MAP3K20: variants seen among roughly 807,000 people sequenced by gnomAD.
MAP3K20 encodes the protein mitogen-activated protein kinase kinase kinase 20.
A neutral mutation model predicts 85.7 loss-of-function variants in MAP3K20; 40 were observed. The observed-to-expected ratio is 0.47, with a 90% confidence interval of 0.36 to 0.61. The LOEUF is 0.61. Among genes scored for constraint, MAP3K20 ranks in the 20% least tolerant of loss-of-function variants. The pLI is 0.00. For missense variants in MAP3K20, 817 were observed against 961.7 expected (o/e 0.85, Z 1.99); for synonymous variants, 325 against 327.7 (o/e 0.99, Z 0.09).
chr2:173,081,587 C>T (rs1237606206), intron 1 of MAP3K20, among the ~76,000 whole-genome samples: 2 of 152,062 alleles, frequency 1.3e-5, no homozygotes, highest in East Asian at 1.9e-4. Context: ...CGATGGCTTT[C>T]AAGACAAAGA....
chr2:173,173,178 GTGTGTGTGTGTGTGTGTGTC>G lies in MAP3K20; in HGVS notation c.247+3292_247+3311del, dbSNP rs1270585447. 4.3e-5 allele frequency among the ~76,000 whole-genome samples: 6 copies of G among 139,398 alleles called. No individual in the cohort carries two copies. The South Asian group carries it at 1.1e-3, about 25-fold the overall frequency. 91.5% of individuals were successfully genotyped at this position (139,398 alleles called of 152,430 possible). On this transcript the variant is annotated intron_variant, in intron 3 of 19. Coordinates refer to ENST00000375213, the MANE Select transcript of MAP3K20 (RefSeq NM_016653.3). ...TCTGTGTGTGTGTGTGTGTGTGTGT[GTGTGTGTGTGTGTGTGTGTC>G]TGTGTAAAACATAAATATGTGAGGG...
chr2:173,242,477 T>C (rs1684811036), intron 16 of MAP3K20, among the ~76,000 whole-genome samples: 1 of 151,670 alleles, frequency 6.6e-6, no homozygotes, highest in Admixed American at 6.6e-5. Flanking sequence ...CAAGAAAATA[T>C]TTTCAATTAA....
Position 173,075,934 on chromosome 2 carries a change from C to G in MAP3K20, c.-103C>G, listed in dbSNP as rs1686834222. 1 of 985,064 alleles carries G rather than the reference C, an allele frequency of 1.0e-6. No individual in the cohort carries two copies. Among genetic ancestry groups the G allele is most frequent in the South Asian group, 4.7e-5 (1 of 21,294 alleles). The allele number at this position is 985,064 out of a possible 1,614,324, so 61.0% of individuals were successfully genotyped here. A position where few individuals can be genotyped will look rare whatever the true frequency, so the allele number is the denominator to read the frequency against. On this transcript the variant is annotated 5_prime_UTR_variant, in exon 1 of 20. Coordinates refer to ENST00000375213, the MANE Select transcript of MAP3K20 (RefSeq NM_016653.3). Reference sequence around the variant, plus strand: ...CGCGCGGGCCGCTGTCGTCCCAACCCCCGCCGCCCTCGTCGCGCGCGGGGC... The same window carrying G: ...CGCGCGGGCCGCTGTCGTCCCAACCGCCGCCGCCCTCGTCGCGCGCGGGGC...
At chr2:173,229,537 G>A (rs1684471227) in intron 11 of MAP3K20, 152 bp from the exon 12 acceptor site, 3 of 852,948 alleles carry the variant, frequency 3.5e-6, no homozygotes, top group Admixed American at 2.4e-5. Context: ...GCCTCTTAAG[G>A]TCAGGAAAAC....
intron 11 of MAP3K20, among the ~76,000 whole-genome samples, chr2:173,229,443 A>G (rs1182460419): frequency 6.6e-6 from 1 of 152,164 alleles, no homozygotes; most frequent in Non-Finnish European, 1.5e-5. Flanking sequence ...AAAACCAGGT[A>G]CCAACAAAGG....
At chr2:173,144,654 C>T (rs945304423) in intron 2 of MAP3K20, among the ~76,000 whole-genome samples, 7 of 151,906 alleles carry the variant, frequency 4.6e-5, no homozygotes, top group South Asian at 2.1e-4. Flanking sequence ...GCCATGATCT[C>T]GCCACTGCAC....
At chr2:173,253,573 G>C (rs982658337) in intron 16 of MAP3K20, among the ~76,000 whole-genome samples, 2 of 152,130 alleles carry the variant, frequency 1.3e-5, no homozygotes, top group Admixed American at 1.3e-4. Context: ...ACCTTAATAA[G>C]AGGAGTGAAT....
At chr2:173,082,668 C>T (rs1687043695) in intron 1 of MAP3K20, among the ~76,000 whole-genome samples, 1 of 152,202 alleles carries the variant, frequency 6.6e-6, no homozygotes, top group East Asian at 1.9e-4. Flanking sequence ...CCTGTGAATT[C>T]CTCTTCTGGC....
intron 2 of MAP3K20, among the ~76,000 whole-genome samples, chr2:173,123,188 A>G (rs1688348151): frequency 6.6e-6 from 1 of 152,198 alleles, no homozygotes; most frequent in Non-Finnish European, 1.5e-5. Context: ...CAACCAACCA[A>G]GTAAGCTCTC....
At chr2:173,152,277 G>A (rs1293649709) in intron 2 of MAP3K20, among the ~76,000 whole-genome samples, 4 of 152,158 alleles carry the variant, frequency 2.6e-5, no homozygotes, top group African/African-American at 9.7e-5. Context: ...CATGCAGAAC[G>A]ATTCTTGTCT....
At chr2:173,240,065 A>G (rs1206722510) in intron 16 of MAP3K20, among the ~76,000 whole-genome samples, 2 of 152,236 alleles carry the variant, frequency 1.3e-5, no homozygotes, top group East Asian at 3.8e-4. Flanking sequence ...AATGATAATA[A>G]TGATAACTTC....
At chr2:173,112,375 T>C (rs1337208907) in intron 2 of MAP3K20, among the ~76,000 whole-genome samples, 1 of 152,186 alleles carries the variant, frequency 6.6e-6, no homozygotes, top group South Asian at 2.1e-4. Context: ...TGACTTCCTC[T>C]TCACTGATTT....
intron 10 of MAP3K20, chr2:173,210,968 T>G (rs1683873765): frequency 6.6e-6 from 1 of 152,258 alleles, no homozygotes; most frequent in Non-Finnish European, 1.5e-5. Context: ...GATACAAAAA[T>G]TATACAGTGA....
At chr2:173,128,102 A>G (rs1227824203) in intron 2 of MAP3K20, among the ~76,000 whole-genome samples, 1 of 152,112 alleles carries the variant, frequency 6.6e-6, no homozygotes, top group African/African-American at 2.4e-5. Context: ...TTTCATGTTG[A>G]TGCAAAAGAT....
chr2:173,090,670 A>G, intron 1 of MAP3K20: 1 of 1,002,718 alleles, frequency 1.0e-6, no homozygotes, highest in South Asian at 4.4e-5. Flanking sequence ...GCTTCCTGAG[A>G]GGAGACCTGG....
chr2:173,226,324 T>C (rs1684386976), intron 11 of MAP3K20: 2 of 984,204 alleles, frequency 2.0e-6, no homozygotes, highest in South Asian at 9.4e-5. Flanking sequence ...CTGAGTTAAA[T>C]ATTAATACTT....
chr2:173,200,609 C>A (rs762687397), intron 8 of MAP3K20, among the ~76,000 whole-genome samples: 1 of 151,598 alleles, frequency 6.6e-6, no homozygotes, highest in Non-Finnish European at 1.5e-5. Context: ...ATTATAGATT[C>A]ACAGGAGTTT....
At chr2:173,175,097 C>G (rs1380516163) in intron 3 of MAP3K20, among the ~76,000 whole-genome samples, 2 of 152,122 alleles carry the variant, frequency 1.3e-5, no homozygotes. Flanking sequence ...TACTTCCCTC[C>G]CTCTCTTTTG....
At position 173,267,782 on chromosome 2, in the gene MAP3K20, T is replaced by C. The variant is rs149176832; in HGVS notation, c.*1032T>C. On this transcript the variant is annotated 3_prime_UTR_variant, in exon 20 of 20. Transcript: ENST00000375213. Reference sequence around the variant, plus strand: ...AGCTAAAAGCCAGAGAAATTTAAAATTACCAACATCCTTGTTGGAGTAAGA... The same window carrying C: ...AGCTAAAAGCCAGAGAAATTTAAAACTACCAACATCCTTGTTGGAGTAAGA... 2.6e-5 allele frequency: 4 copies of C among 152,296 alleles called. No individual in the cohort carries two copies. In the East Asian group the frequency reaches 7.7e-4, roughly 29 times the overall value. 9.4% of individuals were successfully genotyped at this position (152,296 alleles called of 1,614,324 possible). A position where few individuals can be genotyped will look rare whatever the true frequency, so the allele number is the denominator to read the frequency against.
Sources: gnomAD v4.1 joint callset for allele counts (sites outside exome capture counted in the v4.1 genomes callset) on GRCh38, gnomAD v4.1.1 for gene constraint, MANE v1.5 for transcripts, NCBI Gene and HGNC (gene_info 2026-07-23, HGNC 2026-07-21) for gene names.